Variants in ZNF324B observed in about 807,000 individuals in gnomAD.
ZNF324B encodes the protein zinc finger protein 324B.
A neutral mutation model predicts 10.6 loss-of-function variants in ZNF324B; 7 were observed. The observed-to-expected ratio is 0.66, with a 90% CI of 0.38 to 1.24. The LOEUF (loss-of-function observed/expected upper bound fraction) is 1.24, where lower values mean the gene tolerates loss of function less well. Among genes scored for constraint, ZNF324B ranks in the 50% most tolerant of loss-of-function variants. The pLI, the probability that ZNF324B is intolerant of heterozygous loss-of-function variation, is 0.02. For missense variants in ZNF324B, 640 were observed against 764.7 expected (o/e 0.84, Z 1.92); for synonymous variants, 316 against 321.0 (o/e 0.98, Z 0.17).
At chr19:58,435,395 C>T in the ZNF324B span, 1 of 667,744 alleles carries the variant, frequency 1.5e-6, no homozygotes, top group Non-Finnish European at 2.5e-6. Context: ...ACCAGCCAAG[C>T]AACAGAATAA....
chr19:58,451,573 G>C (rs758333040), upstream of ZNF324B: 9 of 516,040 alleles, frequency 1.7e-5, no homozygotes, highest in African/African-American at 1.2e-4. Context: ...GTCTGCGCGC[G>C]TATTGGGGCA....
chr19:58,446,463 A>G, the ZNF324B span, among the ~76,000 whole-genome samples: 1 of 149,550 alleles, frequency 6.7e-6, no homozygotes, highest in Non-Finnish European at 1.5e-5. Context: ...CCTTGGAGGG[A>G]TGGTAGGGGC....
At chr19:58,448,192 C>A (rs961405548), upstream of ZNF324B, among the ~76,000 whole-genome samples, 1 of 152,126 alleles carries the variant, frequency 6.6e-6, no homozygotes, top group African/African-American at 2.4e-5. Context: ...TTGGAAGCCT[C>A]AGAAGGAGAT....
chr19:58,456,955 G>A lies in ZNF324B; in HGVS notation c.*376G>A, dbSNP rs1367294109. 1.7e-5 allele frequency: 5 copies of A among 285,858 alleles called. No homozygotes were observed. The South Asian group carries it at 2.4e-4, about 14-fold the overall frequency. The allele number at this position is 285,858 out of a possible 1,614,324, so 17.7% of individuals were successfully genotyped here. On this transcript the variant is annotated 3_prime_UTR_variant, in exon 4 of 4. Transcript: ENST00000336614. This position sits in a 1 kb window ranked among gnomAD's most constrained non-coding sequence, Gnocchi z 4.7. The stretch of plus-strand genomic sequence containing the variant: ...TGAGGGGGATGCGGACATGGGGTAG[G>A]ATGACCTAGAGAAACTTATGATGTC...
At chr19:58,434,480 T>C in the ZNF324B span, 2 of 1,614,270 alleles carry the variant, frequency 1.2e-6, no homozygotes, top group Non-Finnish European at 1.7e-6. Context: ...CCACATGCAA[T>C]GCACTCATAA....
chr19:58,454,114 T>G (rs2052888892), intron 2 of ZNF324B, 114 bp from the exon 3 acceptor site: 4 of 747,704 alleles, frequency 5.3e-6, no homozygotes, highest in Non-Finnish European at 9.2e-6. Context: ...TATCTTTAGA[T>G]TCTCCCAGTT....
chr19:58,440,180 A>C, the ZNF324B span: 16 of 322,634 alleles, frequency 5.0e-5, no homozygotes, highest in East Asian at 9.3e-5. Context: ...CCGCCTCTCA[A>C]TGACAGCTCG....
At chr19:58,439,648 G>C in the ZNF324B span, 1 of 1,215,900 alleles carries the variant, frequency 8.2e-7, no homozygotes, top group Non-Finnish European at 1.1e-6. Context: ...CCACGTGTGA[G>C]GACAGGACAC....
the ZNF324B span, chr19:58,444,795 C>T: frequency 6.6e-6 from 1 of 152,230 alleles, no homozygotes; most frequent in Non-Finnish European, 1.5e-5. Flanking sequence ...CATGGGAAGG[C>T]CTTCACTTTT....
the ZNF324B span, among the ~76,000 whole-genome samples, chr19:58,427,490 C>CTTCCTTCCT: frequency 9.2e-6 from 1 of 109,010 alleles, no homozygotes; most frequent in East Asian, 2.4e-4. Context: ...TCCTTCCTTC[C>CTTCCTTCCT]TTCCTTTCTT....
Position 58,453,608 on chromosome 19 carries a change from G to A in ZNF324B, c.-6-88G>A, listed in dbSNP as rs1599980433. 8 of 1,566,456 alleles carry A rather than the reference G, an allele frequency of 5.1e-6. No individual in the cohort carries two copies. In the East Asian group the frequency reaches 1.3e-4, roughly 26 times the overall value. On this transcript the variant is annotated intron_variant, in intron 1 of 3. Coordinates refer to ENST00000336614, the MANE Select transcript of ZNF324B (RefSeq NM_207395.3). ...GGAACCCAAGGAAGGAGGGACACTG[G>A]GGGAGGTGACTGTTGGGATGGGGAG...
the ZNF324B span, chr19:58,435,188 C>T: frequency 3.0e-5 from 49 of 1,613,560 alleles, no homozygotes; most frequent in African/African-American, 5.9e-4. Flanking sequence ...TGGGCCCCCT[C>T]ACCCTCTACT....
chr19:58,439,989 C>T, the ZNF324B span: 2 of 666,974 alleles, frequency 3.0e-6, no homozygotes, highest in Non-Finnish European at 5.0e-6. Flanking sequence ...GTGGCGCTGG[C>T]TCCACTTTCG....
chr19:58,443,506 T>C, the ZNF324B span: 1 of 152,276 alleles, frequency 6.6e-6, no homozygotes, highest in Admixed American at 6.5e-5. Context: ...CTTGTCCAGC[T>C]CTAGAGGCCT....
the ZNF324B span, chr19:58,430,513 G>C: frequency 5.3e-5 from 8 of 152,248 alleles, no homozygotes; most frequent in Non-Finnish European, 1.2e-4. Flanking sequence ...TAACTCTCTT[G>C]TGAATTCTCT....
chr19:58,456,665 A>G lies in ZNF324B; in HGVS notation c.*86A>G. On this transcript the variant is annotated 3_prime_UTR_variant, in exon 4 of 4. Transcript: ENST00000336614. This position sits in a 1 kb window ranked among gnomAD's most constrained non-coding sequence, Gnocchi z 4.7. ...GGTCCGAGTGCTCTTCAGATCCACG[A>G]TGGGGAAAAGCTCTGTGCCTGAGAG... 1 of 1,464,224 alleles carries G rather than the reference A, an allele frequency of 6.8e-7. No individual in the cohort carries two copies. The highest frequency in any genetic ancestry group is 9.2e-7 in the Non-Finnish European group (1 of 1,088,010). The allele number at this position is 1,464,224 out of a possible 1,614,324, so 90.7% of individuals were successfully genotyped here. A position where few individuals can be genotyped will look rare whatever the true frequency, so the allele number is the denominator to read the frequency against.
upstream of ZNF324B, among the ~76,000 whole-genome samples, chr19:58,449,752 G>A (rs2052842609): frequency 6.6e-6 from 1 of 152,200 alleles, no homozygotes; most frequent in Non-Finnish European, 1.5e-5. Context: ...TCCAACGGCT[G>A]TACCCCAATT....
the ZNF324B span, chr19:58,444,053 G>A: frequency 5.3e-5 from 8 of 152,246 alleles, no homozygotes; most frequent in Admixed American, 5.2e-4. Context: ...CTGTTGAGTG[G>A]AAGACAGCTG....
chr19:58,433,495 G>T, the ZNF324B span: 1 of 1,614,166 alleles, frequency 6.2e-7, no homozygotes, highest in African/African-American at 1.3e-5. Flanking sequence ...CCTTTCTTGT[G>T]TGTGAACTCT....
Sources: allele counts gnomAD v4.1 joint callset (sites outside exome capture counted in the v4.1 genomes callset), GRCh38; gene constraint gnomAD v4.1.1; non-coding constraint Gnocchi (gnomAD v3.1); transcripts MANE v1.5; gene names NCBI Gene and HGNC (gene_info 2026-07-23, HGNC 2026-07-21).